The following TLK2 variants were observed in gnomAD, a reference collection of about 807,000 sequenced individuals.
TLK2 encodes the protein serine/threonine-protein kinase tousled-like 2.
TLK2 carries 6 observed loss-of-function variants against 117.3 expected under a neutral mutation model. The observed-to-expected ratio is 0.05, with a 90% CI of 0.03 to 0.10. The LOEUF (loss-of-function observed/expected upper bound fraction) is 0.10. TLK2 is among the 10% of genes least tolerant of loss of function. The pLI is 1.00. For synonymous variants in TLK2, 257 were observed against 316.7 expected (o/e 0.81, Z 2.00); for missense variants, 299 against 901.2 (o/e 0.33, Z 8.56).
upstream of TLK2, among the ~76,000 whole-genome samples, chr17:62,478,445 G>A (rs1377325478): frequency 6.6e-6 from 1 of 150,682 alleles, no homozygotes; most frequent in East Asian, 2.0e-4. Flanking sequence ...AGCGGGGCGG[G>A]GGCCGGCGAC....
intron 6 of TLK2, among the ~76,000 whole-genome samples, chr17:62,525,615 A>G (rs2076322040): frequency 6.6e-6 from 1 of 152,106 alleles, no homozygotes; most frequent in African/African-American, 2.4e-5. Flanking sequence ...CGCCCGGCTA[A>G]TTTTTGTATT....
chr17:62,568,891 C>T (rs750582069), intron 11 of TLK2, among the ~76,000 whole-genome samples: 1 of 152,166 alleles, frequency 6.6e-6, no homozygotes, highest in East Asian at 1.9e-4. Context: ...ATCTGATTCT[C>T]AGTCATATGA....
intron 2 of TLK2, among the ~76,000 whole-genome samples, chr17:62,499,278 G>A (rs556987710): frequency 1.4e-3 from 207 of 151,600 alleles, no homozygotes; most frequent in African/African-American, 4.9e-3. Flanking sequence ...GAGGTGCAGT[G>A]AGCCGAGATT....
At chr17:62,581,763 A>G (rs1424638610) in intron 15 of TLK2, among the ~76,000 whole-genome samples, 1 of 151,934 alleles carries the variant, frequency 6.6e-6, no homozygotes, top group African/African-American at 2.4e-5. Flanking sequence ...GTATTTTTTA[A>G]TCTGTGTTTA....
At chr17:62,502,339 TA>T (rs2145007870) in intron 2 of TLK2, among the ~76,000 whole-genome samples, 2 of 152,280 alleles carry the variant, frequency 1.3e-5, no homozygotes, top group East Asian at 3.9e-4. Context: ...GACTAACTGT[TA>T]ACACTATTTG....
chr17:62,585,505 T>C, intron 15 of TLK2: 1 of 152,524 alleles, frequency 6.6e-6, no homozygotes, highest in Non-Finnish European at 1.5e-5. Flanking sequence ...ACCGTTGCAC[T>C]CCAGCCTGGG....
chr17:62,477,289 C>A (rs532529318), upstream of TLK2, among the ~76,000 whole-genome samples: 196 of 152,152 alleles, frequency 1.3e-3, 1 homozygote, highest in Non-Finnish European at 1.9e-3. Context: ...TACCCTCTAC[C>A]CCCAACCCGC....
In TLK2 at chr17:62,595,451, A is replaced by G. The variant is rs551679603; in HGVS notation, c.1461-1134A>G. ...GCTAGACTTTAATATGGCTGGCAGCACAGTAGGTTTGTTTACACCAGCATC... is the reference window on the plus strand; with the variant it reads ...GCTAGACTTTAATATGGCTGGCAGCGCAGTAGGTTTGTTTACACCAGCATC... On this transcript the variant is annotated intron_variant, in intron 16 of 21. Coordinates refer to ENST00000346027, the MANE Select transcript of TLK2 (RefSeq NM_006852.6). Among the ~76,000 whole-genome samples, 4 of 152,276 alleles carry G rather than the reference A, an allele frequency of 2.6e-5. No homozygotes were observed. In the South Asian group the frequency reaches 8.3e-4, roughly 32 times the overall value.
intron 12 of TLK2, among the ~76,000 whole-genome samples, chr17:62,575,509 G>A (rs993083427): frequency 1.3e-5 from 2 of 152,066 alleles, no homozygotes; most frequent in African/African-American, 4.8e-5. Context: ...CTGGTTGATA[G>A]GATAGATATT....
Position 62,481,102 on chromosome 17 carries a change from C to T in TLK2, c.-5-19C>T, listed in dbSNP as rs1306451425. The T allele has an allele frequency of 1.9e-6, 3 of 1,612,672 alleles. No homozygotes were observed. The highest frequency in any genetic ancestry group is 2.5e-6 in the Non-Finnish European group (3 of 1,179,024). Reference sequence around the variant, plus strand: ...CATTTTAGTGTTTATGGTTTCACAGCCTACTTTTTCTTTTTCAGCAGAAAT... The same window carrying T: ...CATTTTAGTGTTTATGGTTTCACAGTCTACTTTTTCTTTTTCAGCAGAAAT... On this transcript the variant is annotated intron_variant, in intron 1 of 21. Transcript: ENST00000346027.
chr17:62,473,606 G>T (rs1214316627), intron 1 of TLK2, among the ~76,000 whole-genome samples: 1 of 152,134 alleles, frequency 6.6e-6, no homozygotes, highest in African/African-American at 2.4e-5. Context: ...AAATTCTGGG[G>T]GTGGGGCCCA....
At chr17:62,548,732 C>CT (rs888905253) in intron 7 of TLK2, among the ~76,000 whole-genome samples, 2 of 151,334 alleles carry the variant, frequency 1.3e-5, no homozygotes, top group African/African-American at 4.9e-5. Context: ...TCATTTGATT[C>CT]TTTTTTTTAT....
At chr17:62,576,055 C>A (rs1430189000) in intron 12 of TLK2, among the ~76,000 whole-genome samples, 1 of 152,172 alleles carries the variant, frequency 6.6e-6, no homozygotes, top group Non-Finnish European at 1.5e-5. Flanking sequence ...CACATGACTA[C>A]CCATCAAGTC....
At chr17:62,550,923 A>G (rs1034088694) in intron 7 of TLK2, 5 of 152,482 alleles carry the variant, frequency 3.3e-5, no homozygotes, top group Non-Finnish European at 7.3e-5. Flanking sequence ...GGCTCAAGCA[A>G]TTCTCCTGCC....
upstream of TLK2, among the ~76,000 whole-genome samples, chr17:62,474,778 G>A (rs1463234808): frequency 6.6e-6 from 1 of 151,652 alleles, no homozygotes; most frequent in African/African-American, 2.4e-5. Context: ...CCACTGCCTC[G>A]GCCTCCCAAT....
chr17:62,576,843 T>C (rs2080826211), intron 13 of TLK2, 68 bp downstream of exon 13: 1 of 1,280,922 alleles, frequency 7.8e-7, no homozygotes, highest in Admixed American at 1.8e-5. Context: ...TTGAAGCTAT[T>C]TGGTCATTTG....
chr17:62,516,489 G>T, intron 2 of TLK2: 1 of 1,606,366 alleles, frequency 6.2e-7, no homozygotes, highest in South Asian at 1.1e-5. Flanking sequence ...TACGGCGTAG[G>T]GTGGCAGGCA....
chr17:62,557,582 CTTA>C (rs2078952615), intron 9 of TLK2, among the ~76,000 whole-genome samples: 1 of 152,148 alleles, frequency 6.6e-6, no homozygotes, highest in Admixed American at 6.5e-5. Context: ...TGGAGTTGCT[CTTA>C]TTCCTGTTTT....
intron 13 of TLK2, among the ~76,000 whole-genome samples, chr17:62,577,321 G>C (rs2080884525): frequency 6.6e-6 from 1 of 151,958 alleles, no homozygotes; most frequent in Non-Finnish European, 1.5e-5. Flanking sequence ...TTTCCCCCTA[G>C]TGATCTATCA....
Sources: allele counts gnomAD v4.1 joint callset (sites outside exome capture counted in the v4.1 genomes callset), GRCh38; gene constraint gnomAD v4.1.1; transcripts MANE v1.5; gene names NCBI Gene and HGNC (gene_info 2026-07-23, HGNC 2026-07-21).